Variants in DGLUCY observed in about 807,000 individuals in gnomAD.
DGLUCY encodes the protein D-glutamate cyclase, mitochondrial.
Under a neutral mutation model 58.5 loss-of-function variants are expected in DGLUCY, and 58 were observed. That is an observed-to-expected ratio of 0.99 (90% CI 0.80 to 1.23). The LOEUF (loss-of-function observed/expected upper bound fraction) is 1.23. Ranked by LOEUF, DGLUCY falls within the 50% of genes most tolerant of loss-of-function variation. The pLI is 0.00. For synonymous variants in DGLUCY, 325 were observed against 314.1 expected, an observed-to-expected ratio of 1.03 and a Z score of -0.37; for missense variants, 779 against 784.7, an observed-to-expected ratio of 0.99 and a Z score of 0.09.
At chr14:91,216,026 G>T in intron 13 of DGLUCY, 1 of 283,906 alleles carries the variant, frequency 3.5e-6, no homozygotes, top group South Asian at 3.5e-5. Flanking sequence ...GGACAGACAA[G>T]GTGAGAAGAG....
intron 1 of DGLUCY, among the ~76,000 whole-genome samples, chr14:91,151,740 C>T (rs1042745168): frequency 6.6e-6 from 1 of 151,384 alleles, no homozygotes. Flanking sequence ...CTGCAACCTC[C>T]GCCTCCTGAG....
In DGLUCY at chr14:91,204,153, T is replaced by G. The variant is rs184397301; in HGVS notation, c.1445-553T>G. 1.1e-4 allele frequency among the ~76,000 whole-genome samples: 17 copies of G among 152,380 alleles called. No individual in the cohort carries two copies. In the East Asian group the frequency reaches 2.9e-3, roughly 26 times the overall value. ...AAATTCTCTGATGCAGACTATCAGATGGGCCTCAAGACTATGTAGCCTCTT... is the reference window on the plus strand; with the variant it reads ...AAATTCTCTGATGCAGACTATCAGAGGGGCCTCAAGACTATGTAGCCTCTT... On this transcript the variant is annotated intron_variant, in intron 11 of 13. Transcript: ENST00000256324.
intron 10 of DGLUCY, among the ~76,000 whole-genome samples, chr14:91,197,089 C>T (rs1475696838): frequency 6.6e-6 from 1 of 152,156 alleles, no homozygotes. Context: ...GCCTCAGCCT[C>T]CCAAGTAGCT....
At chr14:91,161,586 A>C (rs2047986645) in intron 3 of DGLUCY, among the ~76,000 whole-genome samples, 1 of 152,196 alleles carries the variant, frequency 6.6e-6, no homozygotes, top group African/African-American at 2.4e-5. Context: ...AGTGGTCGCC[A>C]AACTTCTTTA....
intron 1 of DGLUCY, among the ~76,000 whole-genome samples, chr14:91,134,080 C>G (rs2046186865): frequency 6.6e-6 from 1 of 152,072 alleles, no homozygotes; most frequent in Non-Finnish European, 1.5e-5. Context: ...GAGGACAAGC[C>G]CCCAACCCCA....
chr14:91,170,706 G>A (rs375678857), intron 5 of DGLUCY, among the ~76,000 whole-genome samples: 2 of 152,118 alleles, frequency 1.3e-5, no homozygotes, highest in East Asian at 1.9e-4. Context: ...TCTCTGGGAC[G>A]TGCCTGCTGT....
chr14:91,095,119 C>T (rs1262990860), intron 1 of DGLUCY, among the ~76,000 whole-genome samples: 2 of 152,116 alleles, frequency 1.3e-5, no homozygotes, highest in Non-Finnish European at 2.9e-5. Context: ...AGTTCATTTG[C>T]CCCTGAAAGC....
chr14:91,190,375 A>G (rs1001698623), intron 9 of DGLUCY, among the ~76,000 whole-genome samples: 1 of 152,172 alleles, frequency 6.6e-6, no homozygotes, highest in Non-Finnish European at 1.5e-5. Context: ...TGTGACAGAC[A>G]AGAAACAACT....
At chr14:91,158,316 A>C (rs1417897215) in intron 2 of DGLUCY, among the ~76,000 whole-genome samples, 1 of 152,138 alleles carries the variant, frequency 6.6e-6, no homozygotes, top group Admixed American at 6.5e-5. Context: ...GACTCCTCCC[A>C]GCACCCCCTC....
At chr14:91,122,079 C>G (rs1245895031) in intron 1 of DGLUCY, among the ~76,000 whole-genome samples, 3 of 151,882 alleles carry the variant, frequency 2.0e-5, no homozygotes, top group Admixed American at 6.6e-5. Context: ...GCCTTGAAAT[C>G]AGGCTCTGTA....
intron 1 of DGLUCY, among the ~76,000 whole-genome samples, chr14:91,157,227 A>G (rs28621699): frequency 7.2e-6 from 1 of 138,184 alleles, no homozygotes; most frequent in Non-Finnish European, 1.5e-5. Context: ...GGATGGATGG[A>G]TGGGTGGATG....
intron 1 of DGLUCY, among the ~76,000 whole-genome samples, chr14:91,146,412 C>G (rs937260853): frequency 3.9e-5 from 6 of 152,174 alleles, no homozygotes; most frequent in African/African-American, 1.4e-4. Context: ...GCTTAGGATC[C>G]TCTTTGTTGG....
chr14:91,134,086 C>A (rs539527858), intron 1 of DGLUCY, among the ~76,000 whole-genome samples: 3 of 152,302 alleles, frequency 2.0e-5, no homozygotes, highest in East Asian at 3.9e-4. Context: ...AAGCCCCCAA[C>A]CCCAACACAC....
At position 91,133,635 on chromosome 14, in the gene DGLUCY, C is replaced by T. The variant is rs542147709; in HGVS notation, c.-82+19352C>T. 1.1e-4 allele frequency among the ~76,000 whole-genome samples: 16 copies of T among 152,110 alleles called. No individual in the cohort carries two copies. The South Asian group carries it at 2.9e-3, about 28-fold the overall frequency. On this transcript the variant is annotated intron_variant, in intron 1 of 13. Coordinates refer to ENST00000256324, the MANE Select transcript of DGLUCY (RefSeq NM_001102368.3). ...TACTCCTGGCCTCAAGCAATTCTCC[C>T]GTCTCAATCTCCCAAAGTGCTGGGA... is the stretch of plus-strand genomic sequence containing the variant.
At chr14:91,190,428 G>A (rs7143830) in intron 9 of DGLUCY, among the ~76,000 whole-genome samples, 23,530 of 152,066 alleles carry the variant, frequency 0.15, 2,254 homozygotes, top group African/African-American at 0.26. Flanking sequence ...GATGCCATGG[G>A]GAAAATGGAC....
chr14:91,125,373 G>C (rs547067122), intron 1 of DGLUCY, among the ~76,000 whole-genome samples: 1 of 152,296 alleles, frequency 6.6e-6, no homozygotes, highest in Non-Finnish European at 1.5e-5. Flanking sequence ...GCAGAAAAGG[G>C]GAAGTGACTG....
intron 1 of DGLUCY, among the ~76,000 whole-genome samples, chr14:91,065,749 A>G (rs2043808928): frequency 6.6e-6 from 1 of 152,202 alleles, no homozygotes; most frequent in African/African-American, 2.4e-5. Flanking sequence ...ACACTAGAGA[A>G]AATAGGAGGG....
At chr14:91,088,391 G>T (rs540413964) in intron 1 of DGLUCY, among the ~76,000 whole-genome samples, 2 of 152,144 alleles carry the variant, frequency 1.3e-5, no homozygotes, top group Admixed American at 6.5e-5. Context: ...TTCCTGGAAA[G>T]AAGTCTTCCA....
At chr14:91,220,385 CATT>C (rs1887275576) in intron 13 of DGLUCY, 9 of 425,450 alleles carry the variant, frequency 2.1e-5, no homozygotes, top group Non-Finnish European at 4.3e-5. Flanking sequence ...TGCCAACCGT[CATT>C]ATCATCATCA....
Sources: allele counts gnomAD v4.1 joint callset (sites outside exome capture counted in the v4.1 genomes callset), GRCh38; gene constraint gnomAD v4.1.1; transcripts MANE v1.5; gene names NCBI Gene and HGNC (gene_info 2026-07-23, HGNC 2026-07-21).